Variants in CC2D1A observed in about 807,000 individuals in gnomAD.
CC2D1A encodes the protein coiled-coil and C2 domain-containing protein 1A.
CC2D1A carries 68 observed loss-of-function variants against 123.8 expected under a neutral mutation model. The ratio of observed to expected loss-of-function variants is 0.55; its 90% CI spans 0.45 to 0.67. The LOEUF is 0.67. Ranked by LOEUF, CC2D1A falls within the 30% of genes least tolerant of loss-of-function variation. The pLI is 0.00. For missense variants in CC2D1A, 1,185 were observed against 1,290.3 expected (o/e 0.92, Z 1.25); for synonymous variants, 477 against 528.0 (o/e 0.90, Z 1.32).
intron 17 of CC2D1A, among the ~76,000 whole-genome samples, chr19:13,926,026 GTGTATATATA>G (rs1171966551): frequency 2.6e-4 from 21 of 81,824 alleles, no homozygotes; most frequent in African/African-American, 1.5e-3. Context: ...GTATATATAT[GTGTATATATA>G]TATATATACA....
At position 13,923,684 on chromosome 19, in the gene CC2D1A, C is replaced by A; in HGVS notation, c.1824-11C>A. 1.9e-6 allele frequency: 3 copies of A among 1,613,328 alleles called. No individual in the cohort carries two copies. The highest frequency in any genetic ancestry group is 2.5e-6 in the Non-Finnish European group (3 of 1,179,232). ...GGGCCAGGGACATGAGCAGGGCCCT[C>A]CCACCGGCAGGTTTGAAAAGTTGGC... On this transcript the variant is annotated splice_polypyrimidine_tract_variant and intron_variant, in intron 16 of 28. Transcript: ENST00000318003. This position sits in a 1 kb window ranked among gnomAD's most constrained non-coding sequence, Gnocchi z 5.3.
intron 10 of CC2D1A, 44 bp downstream of exon 10, chr19:13,919,086 G>A (rs780355458): frequency 1.7e-5 from 27 of 1,602,640 alleles, no homozygotes; most frequent in Non-Finnish European, 2.1e-5. Context: ...TGGGCAGCCC[G>A]GGAGCCCTCC....
chr19:13,930,289 G>A lies in CC2D1A; in HGVS notation c.2835G>A (p.Glu945=), dbSNP rs1971855316. The A allele has an allele frequency of 6.2e-7, 1 of 1,613,832 alleles. No homozygotes were observed. Among genetic ancestry groups the A allele is most frequent in the African/African-American group, 1.3e-5 (1 of 74,882 alleles). ...ATAGGCGGAATCTGGTAGAGAGTGA[G>A]GTAAGCAGCTTAGGAGATGGGGTGG... ...ALYRRNLVES[E]LQRLRR The change falls in exon 28 of 29, where the codon GAG becomes GAA. Residue 945 remains glutamate (E), a splice_region_variant and synonymous_variant. Coordinates refer to ENST00000318003, the MANE Select transcript of CC2D1A (RefSeq NM_017721.5). The surrounding 1 kb of genome is among the most constrained non-coding windows in gnomAD (Gnocchi z 6.8).
At chr19:13,929,174 T>A (rs942136206) in intron 24 of CC2D1A, among the ~76,000 whole-genome samples, 1 of 151,528 alleles carries the variant, frequency 6.6e-6, no homozygotes, top group Non-Finnish European at 1.5e-5. Flanking sequence ...CAGCTAATTT[T>A]TTTTCTATTT....
intron 2 of CC2D1A, among the ~76,000 whole-genome samples, chr19:13,911,981 C>T (rs1371334506): frequency 6.6e-6 from 1 of 152,158 alleles, no homozygotes; most frequent in Non-Finnish European, 1.5e-5. Flanking sequence ...TCCCAAAGTG[C>T]TGGGGTTACA....
intron 14 of CC2D1A, among the ~76,000 whole-genome samples, chr19:13,921,557 T>A (rs1416976731): frequency 6.6e-6 from 1 of 151,836 alleles, no homozygotes; most frequent in African/African-American, 2.4e-5. Context: ...ATAGTACTCA[T>A]AATAGGAAAC....
intron 22 of CC2D1A, 92 bp downstream of exon 22, chr19:13,927,357 CCTGT>C (rs1259367773): frequency 3.6e-6 from 4 of 1,102,634 alleles, no homozygotes; most frequent in Middle Eastern, 2.1e-4. Flanking sequence ...CCTCTATGAG[CCTGT>C]CTGTTGACCC....
chr19:13,925,934 ATAT>A (rs1259539930), intron 17 of CC2D1A, among the ~76,000 whole-genome samples: 10,655 of 66,074 alleles, frequency 0.16, 846 homozygotes, highest in Non-Finnish European at 0.2. Flanking sequence ...AAAAAAAAAA[ATAT>A]ATATATATAT....
chr19:13,925,940 A>AG (rs1971583734), intron 17 of CC2D1A, among the ~76,000 whole-genome samples: 1 of 111,944 alleles, frequency 8.9e-6, no homozygotes, highest in Non-Finnish European at 1.9e-5. Flanking sequence ...AAAAATATAT[A>AG]TATATATATA....
chr19:13,929,340 G>A (rs1397651692), intron 24 of CC2D1A, 39 bp from the exon 25 acceptor site: 1 of 1,603,350 alleles, frequency 6.2e-7, no homozygotes, highest in Admixed American at 1.7e-5. Context: ...TTGGGCTGGG[G>A]GAATCTCTGC....
At position 13,918,166 on chromosome 19, in the gene CC2D1A, C is replaced by T; in HGVS notation, c.845C>T (p.Ala282Val). ...GCCAAGCAGCAGGGAGATACCACTG[C>T]TGCCGCTAGACACTTCCGCGTGGCT... ...LHAKQQGDTT[A>V]AARHFRVAKS... The change falls in exon 7 of 29, where the codon GCT becomes GTT. Residue 282 changes from alanine to valine, a missense_variant. Transcript: ENST00000318003. The T allele has an allele frequency of 6.2e-7, 1 of 1,605,656 alleles. No homozygotes were observed. Among genetic ancestry groups the T allele is most frequent in the Non-Finnish European group, 8.5e-7 (1 of 1,177,222 alleles).
intron 6 of CC2D1A, among the ~76,000 whole-genome samples, chr19:13,914,849 A>G (rs1239010948): frequency 3.9e-5 from 6 of 152,182 alleles, no homozygotes; most frequent in Admixed American, 3.9e-4. Flanking sequence ...TGCCCAAGCT[A>G]GAACATATCT....
chr19:13,920,101 A>G (rs996896019), intron 12 of CC2D1A, 150 bp downstream of exon 12: 1 of 724,324 alleles, frequency 1.4e-6, no homozygotes, highest in Admixed American at 3.0e-5. Flanking sequence ...ATTTTTTAAA[A>G]TTAGCCAGGC....
rs1971490577 is a variant in CC2D1A at position 13,923,697 on chromosome 19, T to C, written c.1826T>C (p.Phe609Ser). ...GAGCAGGGCCCTCCCACCGGCAGGTTTGAAAAGTTGGCGGAGGACTGTAAG... is the reference window on the plus strand; with the variant it reads ...GAGCAGGGCCCTCCCACCGGCAGGTCTGAAAAGTTGGCGGAGGACTGTAAG... ...QLGNITETTK[F>S]EKLAEDCKRS... is the part of the protein sequence containing the mutation. The change falls in exon 17 of 29, where the codon TTT (phenylalanine) becomes TCT (serine). Residue 609 changes from phenylalanine (F) to serine (S), a missense_variant and splice_region_variant. Coordinates refer to ENST00000318003, the MANE Select transcript of CC2D1A (RefSeq NM_017721.5). This position sits in a 1 kb window ranked among gnomAD's most constrained non-coding sequence, Gnocchi z 5.3. 1.9e-6 allele frequency: 3 copies of C among 1,614,088 alleles called. No homozygotes were observed. The highest frequency in any genetic ancestry group is 2.2e-5 in the South Asian group (2 of 91,086).
chr19:13,924,163 C>T (rs1832762960), intron 17 of CC2D1A, among the ~76,000 whole-genome samples: 1 of 152,008 alleles, frequency 6.6e-6, no homozygotes, highest in Non-Finnish European at 1.5e-5. Flanking sequence ...GGATTGTTTT[C>T]TCCACTTTAT....
rs1971242496 is a variant in CC2D1A at position 13,917,337 on chromosome 19, A to G, written c.749-733A>G. Among the ~76,000 whole-genome samples the G allele has an allele frequency of 2.0e-5, 3 of 152,118 alleles. No homozygotes were observed. In the South Asian group the frequency reaches 6.2e-4, roughly 32 times the overall value. ...AAAATAAAAAACCAGCCGGGCATGC[A>G]GGTGCATGCTCTGTAGCCCCAGCTA... On this transcript the variant is annotated intron_variant, in intron 6 of 28. Transcript: ENST00000318003.
intron 24 of CC2D1A, 37 bp from the exon 25 acceptor site, chr19:13,929,342 A>G (rs764775361): frequency 1.9e-6 from 3 of 1,605,516 alleles, no homozygotes; most frequent in Non-Finnish European, 2.6e-6. Flanking sequence ...GGGCTGGGGG[A>G]ATCTCTGCAG....
At chr19:13,928,557 G>A (rs974597177) in intron 24 of CC2D1A, among the ~76,000 whole-genome samples, 10 of 151,582 alleles carry the variant, frequency 6.6e-5, no homozygotes, top group Admixed American at 1.3e-4. Flanking sequence ...ATCCCAACTT[G>A]GCTGTTACCT....
At chr19:13,912,709 G>A in intron 4 of CC2D1A, 116 bp downstream of exon 4, 1 of 1,036,760 alleles carries the variant, frequency 9.6e-7, no homozygotes, top group Admixed American at 1.9e-5. Context: ...CTGGAGTGCA[G>A]TGGTGCCATC....
Sources: allele counts gnomAD v4.1 joint callset (sites outside exome capture counted in the v4.1 genomes callset), GRCh38; gene constraint gnomAD v4.1.1; non-coding constraint Gnocchi (gnomAD v3.1); transcripts MANE v1.5; gene names NCBI Gene and HGNC (gene_info 2026-07-23, HGNC 2026-07-21).